Variants in FAM135B observed in about 807,000 individuals in gnomAD.
FAM135B encodes the protein family with sequence similarity 135 member B.
A neutral mutation model predicts 127.7 loss-of-function variants in FAM135B; 43 were observed. The observed-to-expected ratio is 0.34, with a 90% CI of 0.26 to 0.43. The LOEUF is 0.43. FAM135B is among the 20% of genes least tolerant of loss of function. The pLI is 1.00. For synonymous variants in FAM135B, 670 were observed against 665.1 expected (o/e 1.01, Z -0.11); for missense variants, 1,558 against 1,725.6 (o/e 0.90, Z 1.72).
chr8:138,431,562 C>T (rs1835188034), intron 1 of FAM135B, among the ~76,000 whole-genome samples: 1 of 152,218 alleles, frequency 6.6e-6, no homozygotes, highest in Non-Finnish European at 1.5e-5. Flanking sequence ...GTGACAATTG[C>T]ATCTTCAAGT....
chr8:138,411,766 C>T (rs1833883207), intron 1 of FAM135B, among the ~76,000 whole-genome samples: 1 of 152,178 alleles, frequency 6.6e-6, no homozygotes, highest in Non-Finnish European at 1.5e-5. Flanking sequence ...CCAGAATGTA[C>T]TTGTATGTTC....
chr8:138,492,289 T>C (rs895603725), intron 1 of FAM135B, among the ~76,000 whole-genome samples: 6 of 152,120 alleles, frequency 3.9e-5, no homozygotes, highest in African/African-American at 1.4e-4. Context: ...GTCTCACTGA[T>C]ATTTTTGTGA....
At chr8:138,476,907 A>G (rs1413898029) in intron 1 of FAM135B, among the ~76,000 whole-genome samples, 2 of 152,218 alleles carry the variant, frequency 1.3e-5, no homozygotes, top group Non-Finnish European at 2.9e-5. Flanking sequence ...ATACCTGATG[A>G]AGATTCCTTA....
At chr8:138,380,218 G>C (rs1477851224) in intron 1 of FAM135B, among the ~76,000 whole-genome samples, 1 of 150,968 alleles carries the variant, frequency 6.6e-6, no homozygotes, top group African/African-American at 2.4e-5. Flanking sequence ...CTTTTTTTGA[G>C]ACAGAGTCTT....
chr8:138,154,227 T>G (rs1172453900), intron 12 of FAM135B, among the ~76,000 whole-genome samples: 2 of 151,862 alleles, frequency 1.3e-5, no homozygotes, highest in Non-Finnish European at 2.9e-5. Context: ...CTGAGGGTCC[T>G]GACTGTTAGA....
At chr8:138,210,356 C>T (rs1192827029) in intron 7 of FAM135B, among the ~76,000 whole-genome samples, 1 of 152,110 alleles carries the variant, frequency 6.6e-6, no homozygotes, top group Non-Finnish European at 1.5e-5. Flanking sequence ...TGGTCTTTGT[C>T]TCTCCCCCTA....
chr8:138,290,346 C>T (rs1250700298), intron 3 of FAM135B, among the ~76,000 whole-genome samples: 1 of 152,162 alleles, frequency 6.6e-6, no homozygotes, highest in Non-Finnish European at 1.5e-5. Context: ...AGGTTGAATC[C>T]ATGCCTTAGC....
At chr8:138,165,099 G>T (rs72721675) in intron 12 of FAM135B, among the ~76,000 whole-genome samples, 5,824 of 150,648 alleles carry the variant, frequency 0.039, 149 homozygotes, top group African/African-American at 0.075. Flanking sequence ...GAGAGGGAAT[G>T]AATTTATTTA....
intron 2 of FAM135B, among the ~76,000 whole-genome samples, chr8:138,337,830 G>C (rs1394270087): frequency 6.6e-6 from 1 of 151,858 alleles, no homozygotes; most frequent in South Asian, 2.1e-4. Context: ...AACAAAGCTG[G>C]AGGCATCATG....
intron 4 of FAM135B, among the ~76,000 whole-genome samples, chr8:138,263,870 G>A (rs1822720023): frequency 6.6e-6 from 1 of 152,198 alleles, no homozygotes; most frequent in Admixed American, 6.5e-5. Flanking sequence ...GGGCACTCAG[G>A]ATGCAAAGAG....
At chr8:138,206,292 T>C (rs1381219375) in intron 7 of FAM135B, among the ~76,000 whole-genome samples, 31 of 150,744 alleles carry the variant, frequency 2.1e-4, no homozygotes, top group Non-Finnish European at 2.4e-4. Context: ...TACGCACAGC[T>C]CTATCATCCC....
intron 15 of FAM135B, among the ~76,000 whole-genome samples, chr8:138,143,335 C>T (rs531482762): frequency 2.0e-5 from 3 of 152,164 alleles, no homozygotes; most frequent in South Asian, 2.1e-4. Context: ...GGGAGGGTGG[C>T]TGACACTGAA....
At chr8:138,314,906 G>A (rs919047522) in intron 2 of FAM135B, among the ~76,000 whole-genome samples, 13 of 143,952 alleles carry the variant, frequency 9.0e-5, no homozygotes, top group South Asian at 2.2e-4. Flanking sequence ...AAAAAAATTC[G>A]AAGGGCATTT....
chr8:138,466,579 A>T (rs1037438393), intron 1 of FAM135B, among the ~76,000 whole-genome samples: 1 of 152,142 alleles, frequency 6.6e-6, no homozygotes, highest in Non-Finnish European at 1.5e-5. Flanking sequence ...TGTGTTCACT[A>T]ATGTTAGCTG....
At chr8:138,200,594 A>G (rs1817036714) in intron 7 of FAM135B, among the ~76,000 whole-genome samples, 1 of 152,196 alleles carries the variant, frequency 6.6e-6, no homozygotes, top group African/African-American at 2.4e-5. Flanking sequence ...AACCCCATCA[A>G]TATCATCAAA....
chr8:138,257,892 A>AAT (rs201359416), intron 4 of FAM135B, among the ~76,000 whole-genome samples: 19 of 142,186 alleles, frequency 1.3e-4, no homozygotes, highest in African/African-American at 4.2e-4. Flanking sequence ...AAATAAAAAA[A>AAT]AAAATAAAAC....
At chr8:138,441,381 C>G (rs1835753549) in intron 1 of FAM135B, 1 of 152,154 alleles carries the variant, frequency 6.6e-6, no homozygotes, top group Non-Finnish European at 1.5e-5. Context: ...TTTGCACACC[C>G]AACAAGTCTC....
chr8:138,136,025 T>A (rs1211455132), intron 19 of FAM135B, among the ~76,000 whole-genome samples: 1 of 152,102 alleles, frequency 6.6e-6, no homozygotes, highest in Non-Finnish European at 1.5e-5. Flanking sequence ...TGAGTTTGAC[T>A]TTTTCAAATA....
At chr8:138,339,200 G>A (rs1188085814) in intron 2 of FAM135B, among the ~76,000 whole-genome samples, 1 of 151,882 alleles carries the variant, frequency 6.6e-6, no homozygotes, top group Non-Finnish European at 1.5e-5. Flanking sequence ...CATGGCACAT[G>A]TATACATATG....
Sources: allele counts gnomAD v4.1 joint callset (sites outside exome capture counted in the v4.1 genomes callset), GRCh38; gene constraint gnomAD v4.1.1; transcripts MANE v1.5; gene names NCBI Gene and HGNC (gene_info 2026-07-23, HGNC 2026-07-21).